NME7: variants seen among roughly 807,000 people sequenced by gnomAD.
The protein encoded by NME7 is NME/NM23 family member 7, also known as nucleoside diphosphate kinase 7.
Under a neutral mutation model 49.1 loss-of-function variants are expected in NME7, and 41 were observed. That is an observed-to-expected ratio of 0.83 (90% CI 0.65 to 1.08). The LOEUF is 1.08. Ranked by LOEUF, NME7 falls within the 50% of genes least tolerant of loss-of-function variation. NME7 has a pLI of 0.00. For synonymous variants in NME7, 139 were observed against 150.6 expected (o/e 0.92, Z 0.56); for missense variants, 423 against 463.4 (o/e 0.91, Z 0.80).
chr1:169,355,326 A>AATATATTGTATATTATATTAT (rs1557837918), intron 1 of NME7, among the ~76,000 whole-genome samples: 3 of 97,790 alleles, frequency 3.1e-5, no homozygotes, highest in Non-Finnish European at 5.6e-5. Flanking sequence ...TATTATATAT[A>AATATATTGTATATTATATTAT]ATATATTGTA....
At chr1:169,296,277 A>C (rs935626724) in intron 6 of NME7, among the ~76,000 whole-genome samples, 1 of 152,182 alleles carries the variant, frequency 6.6e-6, no homozygotes, top group African/African-American at 2.4e-5. Context: ...AAAGTTCACC[A>C]ATGATATCCA....
At chr1:169,348,505 C>T (rs757854787) in intron 1 of NME7, among the ~76,000 whole-genome samples, 3 of 152,042 alleles carry the variant, frequency 2.0e-5, no homozygotes, top group Non-Finnish European at 2.9e-5. Context: ...ATACTGTGTA[C>T]ATCTGTGATT....
In NME7 at chr1:169,256,353, C is replaced by T. The variant is rs184974404; in HGVS notation, c.755-18666G>A. Among the ~76,000 whole-genome samples the T allele has an allele frequency of 4.9e-3, 653 of 134,456 alleles. 168 individuals carry two copies. The highest frequency in any genetic ancestry group is 7.7e-3 in the Non-Finnish European group (437 of 57,058). The allele number at this position is 134,456 out of a possible 152,430, so 88.2% of individuals were successfully genotyped here. On this transcript the variant is annotated intron_variant, in intron 7 of 11. Transcript: ENST00000367811. The stretch of plus-strand genomic sequence containing the variant: ...TGAAACCCTTTCTTCCAGTTGATCG[C>T]ATCGACTCCTGAGGCTTCTGCGTTC...
At chr1:169,366,988 A>G (rs1047148400) in intron 1 of NME7, among the ~76,000 whole-genome samples, 1 of 152,198 alleles carries the variant, frequency 6.6e-6, no homozygotes, top group African/African-American at 2.4e-5. Context: ...AATTAACTAG[A>G]ACCCTCTCAA....
At chr1:169,157,188 A>T (rs2101829471) in intron 11 of NME7, among the ~76,000 whole-genome samples, 1 of 152,304 alleles carries the variant, frequency 6.6e-6, no homozygotes, top group Non-Finnish European at 1.5e-5. Context: ...CATTTCCGCC[A>T]CATAAAGAGA....
chr1:169,204,719 C>G (rs541209120), intron 10 of NME7, among the ~76,000 whole-genome samples: 6 of 152,082 alleles, frequency 3.9e-5, no homozygotes, highest in Non-Finnish European at 8.8e-5. Flanking sequence ...ATTTATTTTG[C>G]CATTGTCTGT....
At chr1:169,167,252 T>C (rs1310200117) in intron 11 of NME7, among the ~76,000 whole-genome samples, 4 of 152,122 alleles carry the variant, frequency 2.6e-5, no homozygotes, top group Non-Finnish European at 5.9e-5. Flanking sequence ...TCACACTATA[T>C]GTCTAATAAA....
At chr1:169,357,890 T>C (rs1361672754) in intron 1 of NME7, among the ~76,000 whole-genome samples, 1 of 152,074 alleles carries the variant, frequency 6.6e-6, no homozygotes, top group African/African-American at 2.4e-5. Flanking sequence ...GAGTAGATAT[T>C]CAGGGATCTC....
At position 169,266,087 on chromosome 1, in the gene NME7, G is replaced by T. The variant is rs115527638; in HGVS notation, c.754+21216C>A. On this transcript the variant is annotated intron_variant, in intron 7 of 11. Transcript: ENST00000367811. ...GAAGCTATTCCAAAAAATTGAGGAG[G>T]AGGGAATCCTCCTCAACTCATTCTA... Among the ~76,000 whole-genome samples, 322 of 132,332 alleles carry T rather than the reference G, an allele frequency of 2.4e-3. 36 individuals are homozygous for T. The highest frequency in any genetic ancestry group is 8.0e-3 in the African/African-American group (313 of 39,240). 86.8% of individuals were successfully genotyped at this position (132,332 alleles called of 152,430 possible). A position where few individuals can be genotyped will look rare whatever the true frequency, so the allele number is the denominator to read the frequency against.
chr1:169,335,675 A>G (rs925754242), intron 1 of NME7, among the ~76,000 whole-genome samples: 2 of 148,286 alleles, frequency 1.3e-5, no homozygotes, highest in Middle Eastern at 3.3e-3. Context: ...ATTTTTTTAG[A>G]AGAAATATAT....
chr1:169,313,982 T>G (rs1651511259), intron 3 of NME7, among the ~76,000 whole-genome samples: 1 of 151,986 alleles, frequency 6.6e-6, no homozygotes, highest in African/African-American at 2.4e-5. Flanking sequence ...AGATTCAGAA[T>G]GAAGCACAGA....
intron 7 of NME7, among the ~76,000 whole-genome samples, chr1:169,273,980 C>G (rs573575719): frequency 7.6e-6 from 1 of 132,334 alleles, no homozygotes; most frequent in East Asian, 2.0e-4. Context: ...TATATTATAC[C>G]AGTAATGGGA....
intron 10 of NME7, among the ~76,000 whole-genome samples, chr1:169,190,454 T>G (rs1400981330): frequency 6.6e-6 from 1 of 151,440 alleles, no homozygotes; most frequent in Non-Finnish European, 1.5e-5. Flanking sequence ...TTCTGAGAAG[T>G]AGGCAAACAA....
rs376087384 is a variant in NME7, at chr1:169,162,343, C to T, written c.1098+7104G>A. 4.6e-5 allele frequency among the ~76,000 whole-genome samples: 7 copies of T among 151,740 alleles called. No individual in the cohort carries two copies. In the South Asian group the frequency reaches 8.3e-4, roughly 18 times the overall value. On this transcript the variant is annotated intron_variant, in intron 11 of 11. Transcript: ENST00000367811. ...TACATACAATTAAATATTTTATATG[C>T]TTCTTAAAATTTTATAATCACAAAA...
At chr1:169,315,222 AC>A (rs756993108) in intron 3 of NME7, among the ~76,000 whole-genome samples, 1 of 151,780 alleles carries the variant, frequency 6.6e-6, no homozygotes, top group Non-Finnish European at 1.5e-5. Context: ...ACTATACAAA[AC>A]AACTGCAGAC....
chr1:169,148,388 A>AGT, intron 11 of NME7, among the ~76,000 whole-genome samples: 1 of 152,206 alleles, frequency 6.6e-6, no homozygotes, highest in South Asian at 2.1e-4. Context: ...TTTTCCTGTT[A>AGT]GACTAGTCTT....
At chr1:169,226,852 C>G (rs1453719428) in intron 10 of NME7, among the ~76,000 whole-genome samples, 1 of 152,064 alleles carries the variant, frequency 6.6e-6, no homozygotes, top group African/African-American at 2.4e-5. Context: ...TTTAAAATCC[C>G]TGTGGTGCAA....
intron 11 of NME7, among the ~76,000 whole-genome samples, chr1:169,168,630 C>A (rs539016382): frequency 6.6e-6 from 1 of 152,248 alleles, no homozygotes; most frequent in South Asian, 2.1e-4. Context: ...ACAGTTGACC[C>A]TTAAACAGTG....
At chr1:169,335,072 G>A (rs577169203) in intron 1 of NME7, among the ~76,000 whole-genome samples, 61 of 152,310 alleles carry the variant, frequency 4.0e-4, no homozygotes, top group Non-Finnish European at 4.9e-4. Context: ...GTGCTGGCGA[G>A]GCTGTGGAGA....
Sources: allele counts gnomAD v4.1 joint callset (sites outside exome capture counted in the v4.1 genomes callset), GRCh38; gene constraint gnomAD v4.1.1; transcripts MANE v1.5; gene names NCBI Gene and HGNC (gene_info 2026-07-23, HGNC 2026-07-21).